The following MAML3 variants were observed in gnomAD, a reference collection of about 807,000 sequenced individuals.
MAML3 encodes mastermind like transcriptional coactivator 3.
In MAML3, 27 loss-of-function variants were observed where a neutral mutation model predicts 101.9. The ratio of observed to expected loss-of-function variants is 0.27; its 90% CI spans 0.20 to 0.37. MAML3 has a LOEUF of 0.37. Among genes scored for constraint, MAML3 ranks in the 10% least tolerant of loss-of-function variants. The pLI, the probability that MAML3 is intolerant of heterozygous loss-of-function variation, is 1.00. For synonymous variants in MAML3, 501 were observed against 555.9 expected, an observed-to-expected ratio of 0.90 and a Z score of 1.39; for missense variants, 1,316 against 1,444.9, an observed-to-expected ratio of 0.91 and a Z score of 1.45.
chr4:140,038,637 G>A (rs531669761), intron 1 of MAML3, among the ~76,000 whole-genome samples: 2 of 152,276 alleles, frequency 1.3e-5, no homozygotes, highest in African/African-American at 4.8e-5. Flanking sequence ...AGTACTGAAT[G>A]CCCTGTACCT....
In MAML3 at chr4:140,153,030, C is replaced by T. The variant is rs753223320; in HGVS notation, c.298G>A (p.Val100Met). The T allele has an allele frequency of 1.5e-5, 24 of 1,595,284 alleles. No homozygotes were observed. Among genetic ancestry groups the T allele is most frequent in the Admixed American group, 3.5e-5 (2 of 57,142 alleles). ...CGGCGCTCCAGCTCCAGCTGCTCCACCTGAGCCTGCTGGTACCTGTTCTCG... is the reference window on the plus strand; with the variant it reads ...CGGCGCTCCAGCTCCAGCTGCTCCATCTGAGCCTGCTGGTACCTGTTCTCG... ...NCENRYQQAQ[V>M]EQLELERRDT... Residue 100 changes from valine to methionine, a missense_variant, in exon 1 of 5, where the codon GTG becomes ATG. Coordinates refer to ENST00000509479, the MANE Select transcript of MAML3 (RefSeq NM_018717.5).
intron 2 of MAML3, among the ~76,000 whole-genome samples, chr4:139,876,253 T>C (rs1732112819): frequency 6.6e-6 from 1 of 152,244 alleles, no homozygotes; most frequent in Non-Finnish European, 1.5e-5. Context: ...CAGCTGCTTT[T>C]TACCTTTTGC....
intron 1 of MAML3, among the ~76,000 whole-genome samples, chr4:140,044,037 T>C (rs1727137492): frequency 6.6e-6 from 1 of 152,028 alleles, no homozygotes; most frequent in South Asian, 2.1e-4. Flanking sequence ...GGAGATGTTT[T>C]AAGAATAAAC....
At chr4:139,783,466 A>G (rs1730250925) in intron 2 of MAML3, among the ~76,000 whole-genome samples, 1 of 152,208 alleles carries the variant, frequency 6.6e-6, no homozygotes, top group Non-Finnish European at 1.5e-5. Context: ...CACAAACCTT[A>G]TGGCAGGTAG....
At chr4:139,840,657 A>T in intron 2 of MAML3, among the ~76,000 whole-genome samples, 1 of 152,206 alleles carries the variant, frequency 6.6e-6, no homozygotes, top group East Asian at 1.9e-4. Flanking sequence ...TTATCCTTAC[A>T]TCCTTATGAA....
At chr4:139,944,448 C>T (rs373339900) in intron 1 of MAML3, among the ~76,000 whole-genome samples, 7 of 151,952 alleles carry the variant, frequency 4.6e-5, no homozygotes, top group East Asian at 1.9e-4. Context: ...TTTGTTCTTG[C>T]GATAGTTTAC....
chr4:140,038,856 C>T (rs961244089), intron 1 of MAML3, among the ~76,000 whole-genome samples: 7 of 152,086 alleles, frequency 4.6e-5, no homozygotes, highest in African/African-American at 1.7e-4. Context: ...AAGGCCTGGG[C>T]GTGGTGGCTC....
chr4:140,110,054 G>A (rs1728415435), intron 1 of MAML3, among the ~76,000 whole-genome samples: 1 of 152,242 alleles, frequency 6.6e-6, no homozygotes, highest in South Asian at 2.1e-4. Context: ...AGGAGGCTGT[G>A]ACTGGTATAA....
At chr4:139,758,066 G>A (rs74521860) in intron 2 of MAML3, among the ~76,000 whole-genome samples, 29 of 152,192 alleles carry the variant, frequency 1.9e-4, no homozygotes, top group African/African-American at 6.5e-4. Flanking sequence ...GTATTCACTC[G>A]CCTCTTGCAG....
At chr4:139,773,825 G>T (rs1730041474) in intron 2 of MAML3, among the ~76,000 whole-genome samples, 1 of 152,176 alleles carries the variant, frequency 6.6e-6, no homozygotes, top group East Asian at 1.9e-4. Flanking sequence ...TAAACACCTC[G>T]ATGGCTTTGG....
At chr4:140,143,127 A>G (rs1729002123) in intron 1 of MAML3, among the ~76,000 whole-genome samples, 1 of 152,222 alleles carries the variant, frequency 6.6e-6, no homozygotes, top group Non-Finnish European at 1.5e-5. Context: ...ATGTCTAATA[A>G]GACAACAAAT....
At chr4:139,752,584 C>T (rs1729535323) in intron 2 of MAML3, among the ~76,000 whole-genome samples, 1 of 152,182 alleles carries the variant, frequency 6.6e-6, no homozygotes, top group African/African-American at 2.4e-5. Context: ...CAGGACTTCT[C>T]ATGTCTTCAT....
At chr4:139,854,609 A>T (rs771129838) in intron 2 of MAML3, among the ~76,000 whole-genome samples, 1 of 99,102 alleles carries the variant, frequency 1.0e-5, no homozygotes, top group Non-Finnish European at 2.8e-5. Flanking sequence ...GATAGTCTCA[A>T]GCTGCAGATG....
At chr4:139,822,216 T>C (rs996602416) in intron 2 of MAML3, among the ~76,000 whole-genome samples, 12 of 147,816 alleles carry the variant, frequency 8.1e-5, no homozygotes, top group African/African-American at 1.5e-4. Context: ...ATCATTATCA[T>C]TATCACCATC....
At chr4:140,007,970 T>C (rs1362195500) in intron 1 of MAML3, among the ~76,000 whole-genome samples, 1 of 152,204 alleles carries the variant, frequency 6.6e-6, no homozygotes. Flanking sequence ...TTGGGCAGCG[T>C]TGTCAATTTG....
chr4:139,746,085 C>A (rs922080127), intron 2 of MAML3, among the ~76,000 whole-genome samples: 5 of 152,176 alleles, frequency 3.3e-5, no homozygotes, highest in Non-Finnish European at 7.3e-5. Flanking sequence ...GACTTCATAA[C>A]AAATGTGATA....
intron 1 of MAML3, among the ~76,000 whole-genome samples, chr4:139,896,605 C>T (rs996939660): frequency 9.2e-5 from 3 of 32,576 alleles, no homozygotes; most frequent in African/African-American, 3.0e-4. Context: ...TTCTGTGAAA[C>T]TGGTGTGTGT....
chr4:140,081,007 T>C (rs1727853602), intron 1 of MAML3, among the ~76,000 whole-genome samples: 1 of 152,204 alleles, frequency 6.6e-6, no homozygotes, highest in Non-Finnish European at 1.5e-5. Flanking sequence ...TTAGGTGGGT[T>C]CTTCCCCCTA....
At chr4:139,725,941 A>C in intron 3 of MAML3, 106 bp from the exon 4 acceptor site, 1 of 902,810 alleles carries the variant, frequency 1.1e-6, no homozygotes, top group Non-Finnish European at 1.8e-6. Flanking sequence ...CCAAAACTAA[A>C]CTTTGTGTTG....
Sources: gnomAD v4.1 joint callset for allele counts (sites outside exome capture counted in the v4.1 genomes callset) on GRCh38, gnomAD v4.1.1 for gene constraint, MANE v1.5 for transcripts, NCBI Gene and HGNC (gene_info 2026-07-23, HGNC 2026-07-21) for gene names.